Variants in RARB observed in about 807,000 individuals in gnomAD.
RARB encodes the protein retinoic acid receptor beta, also known as HBV-activated protein.
A neutral mutation model predicts 51.9 loss-of-function variants in RARB; 17 were observed. That is an observed-to-expected ratio of 0.33 (90% CI 0.22 to 0.49). The LOEUF is 0.49. Ranked by LOEUF, RARB falls within the 20% of genes least tolerant of loss-of-function variation. RARB has a pLI of 0.99. For synonymous variants in RARB, 215 were observed against 195.4 expected (o/e 1.10, Z -0.84); for missense variants, 369 against 550.8 (o/e 0.67, Z 3.30).
At chr3:25,460,767 A>C (rs1018492005) in intron 1 of RARB, among the ~76,000 whole-genome samples, 2 of 152,222 alleles carry the variant, frequency 1.3e-5, no homozygotes, top group African/African-American at 4.8e-5. Flanking sequence ...TAAGTGAGCA[A>C]CAAGGTCAAG....
At chr3:24,991,577 T>C (rs1696912391) in intron 2 of RARB, among the ~76,000 whole-genome samples, 1 of 152,324 alleles carries the variant, frequency 6.6e-6, no homozygotes, top group Middle Eastern at 3.4e-3. Context: ...TATTGATCTT[T>C]CGGCATCCTT....
intron 2 of RARB, among the ~76,000 whole-genome samples, chr3:24,945,811 T>G (rs915430508): frequency 6.6e-5 from 10 of 152,196 alleles, no homozygotes; most frequent in African/African-American, 2.4e-4. Context: ...CTAAAGTCAG[T>G]GAGGCATCCA....
chr3:25,003,200 A>AAAAAAAAAAAC (rs1553622426), intron 2 of RARB, among the ~76,000 whole-genome samples: 1 of 151,910 alleles, frequency 6.6e-6, no homozygotes, highest in African/African-American at 2.4e-5. Context: ...AATGCAAAAA[A>AAAAAAAAAAAC]AAAAAAAAAC....
At chr3:25,188,984 CA>C (rs1464347030) in intron 5 of RARB, among the ~76,000 whole-genome samples, 1 of 152,072 alleles carries the variant, frequency 6.6e-6, no homozygotes, top group East Asian at 1.9e-4. Context: ...AAATGTTGCT[CA>C]AACAAACTAA....
chr3:25,192,334 T>A (rs1017154341), intron 5 of RARB, among the ~76,000 whole-genome samples: 12 of 151,540 alleles, frequency 7.9e-5, no homozygotes, highest in African/African-American at 2.9e-4. Context: ...TGTAATTGTT[T>A]TAAAACTATT....
At chr3:24,873,189 C>A (rs1043347687) in intron 2 of RARB, among the ~76,000 whole-genome samples, 1 of 152,138 alleles carries the variant, frequency 6.6e-6, no homozygotes, top group Non-Finnish European at 1.5e-5. Context: ...TTATGCTTAT[C>A]TTTTTGTAAG....
rs539972365 is a variant in RARB at position 25,015,399 on chromosome 3, ATTATC to A, written c.-379-44723_-379-44719del. Among the ~76,000 whole-genome samples the A allele has an allele frequency of 9.1e-4, 139 of 152,270 alleles. 1 individual carries two copies. Among genetic ancestry groups the A allele is most frequent in the African/African-American group, 3.0e-3 (126 of 41,578 alleles). ...AATGAATATTTCATTGGGAGAGAAT[ATTATC>A]TTTATAATTTGTTAAAATAACTGTG... is the stretch of plus-strand genomic sequence containing the variant. On this transcript the variant is annotated intron_variant, in intron 2 of 11. Transcript: ENST00000383772.
chr3:24,933,099 C>T (rs1203651405), intron 2 of RARB, among the ~76,000 whole-genome samples: 2 of 151,940 alleles, frequency 1.3e-5, no homozygotes, highest in Non-Finnish European at 2.9e-5. Flanking sequence ...AGGGAGAAAA[C>T]ATAATTCAGC....
At chr3:25,294,302 A>G (rs1213571834) in intron 5 of RARB, among the ~76,000 whole-genome samples, 1 of 152,220 alleles carries the variant, frequency 6.6e-6, no homozygotes, top group Non-Finnish European at 1.5e-5. Flanking sequence ...TTGAAGAGAG[A>G]CATTTGAACC....
intron 3 of RARB, among the ~76,000 whole-genome samples, chr3:25,556,726 C>T (rs976011683): frequency 1.3e-5 from 2 of 152,136 alleles, no homozygotes; most frequent in African/African-American, 4.8e-5. Context: ...ATGTCATGCA[C>T]TTAGCACAGC....
chr3:25,588,248 C>T (rs1039613058), intron 5 of RARB, among the ~76,000 whole-genome samples: 47 of 152,220 alleles, frequency 3.1e-4, no homozygotes, highest in African/African-American at 5.1e-4. Flanking sequence ...TGAATAAAAG[C>T]GGACACAAAA....
chr3:25,012,322 T>G (rs143940189), intron 2 of RARB, among the ~76,000 whole-genome samples: 254 of 152,206 alleles, frequency 1.7e-3, no homozygotes, highest in African/African-American at 5.9e-3. Flanking sequence ...GGTTCACAAA[T>G]CTAGCTGACA....
At chr3:24,933,195 T>A (rs1252761649) in intron 2 of RARB, among the ~76,000 whole-genome samples, 1 of 152,096 alleles carries the variant, frequency 6.6e-6, no homozygotes, top group African/African-American at 2.4e-5. Context: ...AAACATTCTT[T>A]CAAATAACTC....
chr3:25,127,683 C>T (rs577384854), intron 3 of RARB, among the ~76,000 whole-genome samples: 15 of 151,736 alleles, frequency 9.9e-5, no homozygotes, highest in Middle Eastern at 3.4e-3. Context: ...AACGAAGGAG[C>T]GAAGGAGGGA....
At chr3:25,371,946 A>T (rs930127938) in intron 5 of RARB, among the ~76,000 whole-genome samples, 3 of 152,154 alleles carry the variant, frequency 2.0e-5, no homozygotes, top group Non-Finnish European at 2.9e-5. Context: ...TTGACGTTGA[A>T]CAGTGGGAAT....
At chr3:25,056,178 T>C (rs144613414) in intron 2 of RARB, among the ~76,000 whole-genome samples, 5 of 151,978 alleles carry the variant, frequency 3.3e-5, no homozygotes, top group African/African-American at 9.7e-5. Context: ...CAACACAAAC[T>C]AGGCAGCCTA....
chr3:25,143,445 T>C (rs965283167), intron 4 of RARB, among the ~76,000 whole-genome samples: 2 of 152,174 alleles, frequency 1.3e-5, no homozygotes, highest in African/African-American at 2.4e-5. Flanking sequence ...CAGATGTGGA[T>C]TGAGGCCCAC....
intron 5 of RARB, among the ~76,000 whole-genome samples, chr3:25,407,912 T>A (rs1707455297): frequency 6.6e-6 from 1 of 152,172 alleles, no homozygotes; most frequent in Non-Finnish European, 1.5e-5. Context: ...AAGTTCCAAG[T>A]GTACACTTCA....
At chr3:25,328,812 G>A (rs529431922) in intron 5 of RARB, among the ~76,000 whole-genome samples, 2 of 152,280 alleles carry the variant, frequency 1.3e-5, no homozygotes, top group African/African-American at 4.8e-5. Context: ...GGAAAATTAG[G>A]ACACTGCCAC....
Sources: allele counts gnomAD v4.1 joint callset (sites outside exome capture counted in the v4.1 genomes callset), GRCh38; gene constraint gnomAD v4.1.1; transcripts MANE v1.5; gene names NCBI Gene and HGNC (gene_info 2026-07-23, HGNC 2026-07-21).